The following XCR1 variants were observed in gnomAD, a reference collection of about 807,000 sequenced individuals.
XCR1 encodes the protein chemokine XC receptor 1.
For synonymous variants in XCR1, 187 were observed against 188.5 expected (o/e 0.99, Z 0.06); for missense variants, 356 against 424.2 (o/e 0.84, Z 1.41).
At chr3:46,045,635 A>T (rs183982693) in intron 5 of XCR1, among the ~76,000 whole-genome samples, 1 of 152,168 alleles carries the variant, frequency 6.6e-6, no homozygotes, top group Non-Finnish European at 1.5e-5. Context: ...GATAAAAAAA[A>T]CTTTTTTTAA....
intron 4 of XCR1, among the ~76,000 whole-genome samples, chr3:46,056,823 G>A (rs1489685458): frequency 6.6e-6 from 1 of 152,014 alleles, no homozygotes; most frequent in Non-Finnish European, 1.5e-5. Flanking sequence ...ACACCCATGT[G>A]TTTGTTTACC....
chr3:46,056,075 G>A (rs1355825170), intron 4 of XCR1, among the ~76,000 whole-genome samples: 1 of 152,160 alleles, frequency 6.6e-6, no homozygotes, highest in Non-Finnish European at 1.5e-5. Context: ...TGGTTGTTAA[G>A]CAGTCTCTTG....
intron 5 of XCR1, among the ~76,000 whole-genome samples, chr3:46,046,015 C>A (rs1697618697): frequency 6.6e-6 from 1 of 152,180 alleles, no homozygotes; most frequent in South Asian, 2.1e-4. Flanking sequence ...TATATAAGCA[C>A]AATGGAATAC....
intron 5 of XCR1, among the ~76,000 whole-genome samples, chr3:46,048,543 G>A (rs985157358): frequency 3.9e-5 from 6 of 152,082 alleles, no homozygotes; most frequent in Non-Finnish European, 8.8e-5. Flanking sequence ...CTGGGCCCAT[G>A]GTTGGCCACC....
intron 1 of XCR1, among the ~76,000 whole-genome samples, chr3:46,077,249 T>C (rs1021803012): frequency 2.0e-5 from 3 of 152,146 alleles, no homozygotes; most frequent in African/African-American, 7.2e-5. Context: ...TATCTGCTGC[T>C]ACCCATTTCT....
chr3:46,023,429 T>A (rs1448873632), intron 1 of XCR1: 1 of 1,483,448 alleles, frequency 6.7e-7, no homozygotes, highest in Non-Finnish European at 9.4e-7. Context: ...TCTGAAGCCA[T>A]GAAGCTGACA....
At chr3:46,042,110 A>AT (rs1373145525) in intron 5 of XCR1, among the ~76,000 whole-genome samples, 4 of 152,236 alleles carry the variant, frequency 2.6e-5, no homozygotes, top group Non-Finnish European at 4.4e-5. Flanking sequence ...AAAATAGGAG[A>AT]TATCTTTAGG....
At chr3:46,048,652 C>A (rs752249541) in intron 5 of XCR1, among the ~76,000 whole-genome samples, 1 of 152,172 alleles carries the variant, frequency 6.6e-6, no homozygotes. Context: ...ATCCTCTTCC[C>A]CACTTCAGTA....
At chr3:46,031,780 A>T (rs1708399331), upstream of XCR1, among the ~76,000 whole-genome samples, 1 of 152,038 alleles carries the variant, frequency 6.6e-6, no homozygotes, top group Non-Finnish European at 1.5e-5. Context: ...GCCCATAAAA[A>T]CCCTGGACTC....
chr3:46,043,434 C>T (rs1457728520), intron 5 of XCR1, among the ~76,000 whole-genome samples: 3 of 151,688 alleles, frequency 2.0e-5, no homozygotes, highest in African/African-American at 7.3e-5. Flanking sequence ...GAGCGAGACC[C>T]CATCTCAAAA....
intron 4 of XCR1, among the ~76,000 whole-genome samples, chr3:46,066,628 A>G (rs546616775): frequency 1.3e-5 from 2 of 152,248 alleles, no homozygotes; most frequent in African/African-American, 4.8e-5. Context: ...CTCCACCCAG[A>G]CCTGTAGAAA....
At chr3:46,029,645 C>T (rs1028655928), upstream of XCR1, among the ~76,000 whole-genome samples, 13 of 152,160 alleles carry the variant, frequency 8.5e-5, no homozygotes, top group Admixed American at 5.2e-4. Flanking sequence ...ATTAAAGAGC[C>T]AGATGCAAGG....
chr3:46,032,255 G>A (rs147706453), upstream of XCR1, among the ~76,000 whole-genome samples: 411 of 152,346 alleles, frequency 2.7e-3, no homozygotes, highest in Non-Finnish European at 4.9e-3. Context: ...AGCTAGGACC[G>A]TGACTTCCTC....
intron 4 of XCR1, among the ~76,000 whole-genome samples, chr3:46,061,969 G>T (rs1406659263): frequency 6.6e-6 from 1 of 152,128 alleles, no homozygotes; most frequent in Non-Finnish European, 1.5e-5. Flanking sequence ...TCCATCCCCG[G>T]AACCCCTAAG....
At chr3:46,067,287 G>A (rs907262830) in intron 3 of XCR1, among the ~76,000 whole-genome samples, 14 of 152,164 alleles carry the variant, frequency 9.2e-5, no homozygotes, top group Admixed American at 2.0e-4. Context: ...GGATCAGAAG[G>A]ACAAGTAGGA....
At chr3:46,063,084 T>C (rs1697995990) in intron 4 of XCR1, among the ~76,000 whole-genome samples, 1 of 152,228 alleles carries the variant, frequency 6.6e-6, no homozygotes, top group Admixed American at 6.5e-5. Flanking sequence ...AGAATTGCTA[T>C]TGGGATAAAG....
chr3:46,052,613 A>G (rs1697770301), intron 5 of XCR1, among the ~76,000 whole-genome samples: 1 of 152,196 alleles, frequency 6.6e-6, no homozygotes, highest in South Asian at 2.1e-4. Flanking sequence ...TTTGTCAACT[A>G]CTAAATTAGC....
chr3:46,074,123 T>A (rs370745531), intron 3 of XCR1, among the ~76,000 whole-genome samples: 7 of 151,666 alleles, frequency 4.6e-5, no homozygotes, highest in African/African-American at 1.7e-4. Flanking sequence ...AACTTGCACA[T>A]GCATGTTTAT....
At chr3:46,032,234 G>A (rs1708409986), upstream of XCR1, among the ~76,000 whole-genome samples, 1 of 152,214 alleles carries the variant, frequency 6.6e-6, no homozygotes. Context: ...CCAGACCTGG[G>A]GTGCTCCCCA....
Sources: gnomAD v4.1 joint callset for allele counts (sites outside exome capture counted in the v4.1 genomes callset) on GRCh38, gnomAD v4.1.1 for gene constraint, MANE v1.5 for transcripts, NCBI Gene and HGNC (gene_info 2026-07-23, HGNC 2026-07-21) for gene names.